Variants in SHISA9 observed in about 807,000 individuals in gnomAD.
SHISA9 encodes shisa family member 9.
SHISA9 carries 13 observed loss-of-function variants against 38.0 expected under a neutral mutation model. That is an observed-to-expected ratio of 0.34 (90% CI 0.22 to 0.54). SHISA9 has a LOEUF of 0.54. SHISA9 is among the 20% of genes least tolerant of loss of function. The pLI, the probability that SHISA9 is intolerant of heterozygous loss-of-function variation, is 0.91. For synonymous variants in SHISA9, 275 were observed against 242.0 expected, an observed-to-expected ratio of 1.14 and a Z score of -1.27; for missense variants, 538 against 575.8, an observed-to-expected ratio of 0.93 and a Z score of 0.67.
At chr16:13,155,618 G>C (rs185935586) in intron 2 of SHISA9, among the ~76,000 whole-genome samples, 1 of 151,930 alleles carries the variant, frequency 6.6e-6, no homozygotes. Context: ...GTGTGCATAC[G>C]TACATATGCA....
At chr16:13,149,779 G>C (rs2050480915) in intron 2 of SHISA9, among the ~76,000 whole-genome samples, 1 of 151,526 alleles carries the variant, frequency 6.6e-6, no homozygotes, top group Non-Finnish European at 1.5e-5. Context: ...ACAAAAATTA[G>C]CCTGTTGTGG....
At chr16:13,313,578 G>T in the SHISA9 span, among the ~76,000 whole-genome samples, 1 of 152,142 alleles carries the variant, frequency 6.6e-6, no homozygotes, top group Admixed American at 6.6e-5. Context: ...GAGGAGGGTG[G>T]TGTGTGTGGA....
the SHISA9 span, among the ~76,000 whole-genome samples, chr16:13,549,890 G>C: frequency 6.6e-6 from 1 of 152,020 alleles, no homozygotes; most frequent in African/African-American, 2.4e-5. Context: ...GGGCATGGTC[G>C]TAAGCGCCTG....
chr16:13,171,905 G>A (rs1030577125), intron 2 of SHISA9, among the ~76,000 whole-genome samples: 3 of 152,142 alleles, frequency 2.0e-5, no homozygotes, highest in Non-Finnish European at 2.9e-5. Context: ...CTCCTCATTT[G>A]TTAAATGATA....
At chr16:13,434,808 G>A in the SHISA9 span, among the ~76,000 whole-genome samples, 1 of 152,126 alleles carries the variant, frequency 6.6e-6, no homozygotes, top group African/African-American at 2.4e-5. Context: ...GGAGAGGATT[G>A]GTATTTCAGG....
At chr16:13,415,708 A>C in the SHISA9 span, among the ~76,000 whole-genome samples, 1 of 152,202 alleles carries the variant, frequency 6.6e-6, no homozygotes, top group Non-Finnish European at 1.5e-5. Context: ...ATTATCCAGA[A>C]AGATTTGGAT....
At chr16:12,915,971 A>T (rs1304987898) in intron 1 of SHISA9, among the ~76,000 whole-genome samples, 1 of 146,252 alleles carries the variant, frequency 6.8e-6, no homozygotes, top group Non-Finnish European at 1.5e-5. Context: ...GGTCTGTTCT[A>T]CGTATGAACA....
At chr16:13,196,436 C>T (rs1216870512) in intron 2 of SHISA9, among the ~76,000 whole-genome samples, 1 of 150,166 alleles carries the variant, frequency 6.7e-6, no homozygotes, top group African/African-American at 2.5e-5. Context: ...GTCCATTCTA[C>T]AAGATATCTG....
At chr16:13,006,836 G>A (rs148416121) in intron 2 of SHISA9, among the ~76,000 whole-genome samples, 18 of 152,060 alleles carry the variant, frequency 1.2e-4, no homozygotes, top group East Asian at 5.8e-4. Context: ...CTCATCCCCC[G>A]TCCCCCACCC....
chr16:13,545,797 C>G, the SHISA9 span, among the ~76,000 whole-genome samples: 1 of 152,112 alleles, frequency 6.6e-6, no homozygotes, highest in Non-Finnish European at 1.5e-5. Flanking sequence ...ACACCGGTCC[C>G]GATCCGCTTC....
At chr16:13,551,430 T>C in the SHISA9 span, among the ~76,000 whole-genome samples, 1 of 152,212 alleles carries the variant, frequency 6.6e-6, no homozygotes, top group Non-Finnish European at 1.5e-5. Context: ...AGTACATGAA[T>C]GGGTTTGCCT....
intron 2 of SHISA9, among the ~76,000 whole-genome samples, chr16:12,920,669 A>G (rs1322264339): frequency 1.3e-5 from 2 of 152,196 alleles, no homozygotes; most frequent in Admixed American, 6.5e-5. Context: ...ACAACAAAAG[A>G]TAGTACACAG....
intron 2 of SHISA9, among the ~76,000 whole-genome samples, chr16:13,171,055 C>A (rs968261044): frequency 8.5e-5 from 13 of 152,226 alleles, no homozygotes; most frequent in African/African-American, 2.9e-4. Context: ...GTGCTGGCAT[C>A]TGCTTCTGGT....
the SHISA9 span, among the ~76,000 whole-genome samples, chr16:13,463,287 G>A: frequency 6.6e-6 from 1 of 152,234 alleles, no homozygotes; most frequent in Non-Finnish European, 1.5e-5. Flanking sequence ...CCTGAGGAAA[G>A]TGAGGATGGG....
the SHISA9 span, among the ~76,000 whole-genome samples, chr16:13,302,275 C>T: frequency 6.6e-6 from 1 of 152,122 alleles, no homozygotes. Flanking sequence ...GTAAAGAAAG[C>T]CCATAGCTTG....
intron 2 of SHISA9, among the ~76,000 whole-genome samples, chr16:12,979,302 G>GT (rs768023707): frequency 0.02 from 2,901 of 142,868 alleles, 62 homozygotes; most frequent in African/African-American, 0.058. Flanking sequence ...TGGTGCTGAA[G>GT]TTTTTTTTTT....
the SHISA9 span, among the ~76,000 whole-genome samples, chr16:13,249,842 C>G: frequency 6.6e-6 from 1 of 152,158 alleles, no homozygotes; most frequent in African/African-American, 2.4e-5. Flanking sequence ...AAGCGATCCC[C>G]CAGCCTTAGC....
chr16:13,021,324 C>T (rs1419999210), intron 2 of SHISA9, among the ~76,000 whole-genome samples: 1 of 152,138 alleles, frequency 6.6e-6, no homozygotes, highest in Admixed American at 6.6e-5. Context: ...CTACCCTAAC[C>T]CCAATACTCA....
chr16:13,062,106 C>A (rs1229841298), intron 2 of SHISA9, among the ~76,000 whole-genome samples: 1 of 152,002 alleles, frequency 6.6e-6, no homozygotes, highest in Non-Finnish European at 1.5e-5. Context: ...AATACAGGAC[C>A]CCCAGATAAA....
Sources: gnomAD v4.1 joint callset for allele counts (sites outside exome capture counted in the v4.1 genomes callset) on GRCh38, gnomAD v4.1.1 for gene constraint, MANE v1.5 for transcripts, NCBI Gene and HGNC (gene_info 2026-07-23, HGNC 2026-07-21) for gene names.